Variants in KLF3 observed in about 807,000 individuals in gnomAD.
The protein encoded by KLF3 is Krueppel-like factor 3.
Under a neutral mutation model 32.7 loss-of-function variants are expected in KLF3, and 6 were observed. That is an observed-to-expected ratio of 0.18 (90% CI 0.10 to 0.36). The LOEUF (loss-of-function observed/expected upper bound fraction) is 0.36. KLF3 is among the 10% of genes least tolerant of loss of function. The pLI, the probability that KLF3 is intolerant of heterozygous loss-of-function variation, is 1.00. For synonymous variants in KLF3, 145 were observed against 172.8 expected (o/e 0.84, Z 1.26); for missense variants, 338 against 449.7 (o/e 0.75, Z 2.25).
intron 1 of KLF3, among the ~76,000 whole-genome samples, chr4:38,678,290 A>G (rs1185117246): frequency 6.6e-6 from 1 of 152,132 alleles, no homozygotes; most frequent in African/African-American, 2.4e-5. Context: ...ACTGGACAAC[A>G]ATTCTTAGAA....
chr4:38,680,664 C>G lies in KLF3; in HGVS notation c.39C>G (p.Ala13=). The G allele has an allele frequency of 6.2e-7, 1 of 1,613,448 alleles. No homozygotes were observed. Among genetic ancestry groups the G allele is most frequent in the Non-Finnish European group, 8.5e-7 (1 of 1,179,438 alleles). ...ACCCAGTTCCTGTCAAGCAAGAGGC[C>G]ATGGACCCTGTCTCAGTGGTAAGTT... The part of the protein sequence containing the change: ...MFDPVPVKQE[A]MDPVSVSYPS... Residue 13 remains alanine (A), a synonymous_variant, in exon 2 of 6, where the codon GCC becomes GCG. Coordinates refer to ENST00000261438, the MANE Select transcript of KLF3 (RefSeq NM_016531.6).
At chr4:38,667,391 C>G (rs1056826489) in intron 1 of KLF3, among the ~76,000 whole-genome samples, 2 of 152,220 alleles carry the variant, frequency 1.3e-5, no homozygotes, top group South Asian at 4.1e-4. Context: ...TGCCCCTAAA[C>G]TCCGTATCCC....
At chr4:38,683,818 C>T (rs538675782) in intron 2 of KLF3, among the ~76,000 whole-genome samples, 12 of 152,298 alleles carry the variant, frequency 7.9e-5, no homozygotes, top group African/African-American at 2.2e-4. Flanking sequence ...AGTCATCTAA[C>T]AGACTCCTTA....
At chr4:38,682,702 C>T (rs867040839) in intron 2 of KLF3, among the ~76,000 whole-genome samples, 3 of 149,720 alleles carry the variant, frequency 2.0e-5, no homozygotes, top group South Asian at 2.1e-4. Flanking sequence ...TGCACTTAAC[C>T]GAAAAAAAAA....
intron 1 of KLF3, among the ~76,000 whole-genome samples, chr4:38,668,902 T>G (rs1452880426): frequency 6.6e-6 from 1 of 152,242 alleles, no homozygotes; most frequent in Non-Finnish European, 1.5e-5. Context: ...TATCCTATCT[T>G]ATAGTTGCTA....
Position 38,689,090 on chromosome 4 carries a change from C to T in KLF3, c.544+19C>T. 6.2e-7 allele frequency: 1 copy of T among 1,610,792 alleles called. No homozygotes were observed. The highest frequency in any genetic ancestry group is 1.7e-4 in the Middle Eastern group (1 of 6,052). On this transcript the variant is annotated intron_variant, in intron 3 of 5. Transcript: ENST00000261438. The stretch of plus-strand genomic sequence containing the variant: ...ATGCAAGGTAAATTCCGCCACTGCT[C>T]CATGCTGCTGCACTTGCTTAGCGTA...
chr4:38,671,829 C>A lies in KLF3; in HGVS notation c.-40+7368C>A, dbSNP rs1214709634. Among the ~76,000 whole-genome samples the A allele has an allele frequency of 1.3e-5, 2 of 152,230 alleles. No individual in the cohort carries two copies. The highest frequency in any genetic ancestry group is 2.4e-5 in the African/African-American group (1 of 41,448). On this transcript the variant is annotated intron_variant, in intron 1 of 5. Coordinates refer to ENST00000261438, the MANE Select transcript of KLF3 (RefSeq NM_016531.6). The surrounding 1 kb of genome is among the most constrained non-coding windows in gnomAD (Gnocchi z 4.4). ...GTGATTGGCAGGAAACCTGTGACATCACTTAGCCCCTTGCCTTCCTTGATC... is the reference window on the plus strand; with the variant it reads ...GTGATTGGCAGGAAACCTGTGACATAACTTAGCCCCTTGCCTTCCTTGATC...
intron 2 of KLF3, among the ~76,000 whole-genome samples, chr4:38,681,465 A>G (rs981406257): frequency 1.3e-5 from 2 of 152,210 alleles, no homozygotes; most frequent in South Asian, 4.1e-4. Context: ...GGTAGGAATT[A>G]CGTTCATTGT....
intron 2 of KLF3, among the ~76,000 whole-genome samples, chr4:38,685,363 A>AGTT: frequency 6.6e-6 from 1 of 152,208 alleles, no homozygotes; most frequent in Middle Eastern, 3.4e-3. Flanking sequence ...CTCTCCCCAC[A>AGTT]GTTAGTCTTG....
chr4:38,693,162 A>T (rs546931431), intron 4 of KLF3, among the ~76,000 whole-genome samples: 102 of 146,594 alleles, frequency 7.0e-4, no homozygotes, highest in African/African-American at 2.3e-3. Context: ...ATACATATAT[A>T]TAATTGAAGT....
intron 1 of KLF3, 42 bp from the exon 2 acceptor site, chr4:38,680,545 G>T: frequency 9.8e-7 from 1 of 1,016,916 alleles, no homozygotes; most frequent in South Asian, 1.3e-5. Context: ...TGTATTTAAA[G>T]TAACCTTGAG....
intron 1 of KLF3, among the ~76,000 whole-genome samples, chr4:38,666,953 A>G (rs1379658253): frequency 6.6e-6 from 1 of 152,220 alleles, no homozygotes; most frequent in Non-Finnish European, 1.5e-5. Flanking sequence ...GGGACTAGCC[A>G]TTGGAATGGG....
chr4:38,687,721 T>C (rs972993831), intron 2 of KLF3, among the ~76,000 whole-genome samples: 7 of 152,234 alleles, frequency 4.6e-5, no homozygotes, highest in Non-Finnish European at 7.3e-5. Context: ...CTGTTTCTTA[T>C]AGTTCCGTGT....
intron 2 of KLF3, among the ~76,000 whole-genome samples, chr4:38,682,118 G>C (rs1247866364): frequency 6.6e-6 from 1 of 152,236 alleles, no homozygotes; most frequent in Admixed American, 6.5e-5. Flanking sequence ...GAGTGCAGTG[G>C]TGTGACCTCA....
chr4:38,664,527 C>G (rs931426733), intron 1 of KLF3, 66 bp downstream of exon 1: 3 of 151,172 alleles, frequency 2.0e-5, no homozygotes, highest in African/African-American at 4.9e-5. Context: ...CTCGGCCAGT[C>G]TGGTTTCATT....
chr4:38,680,864 A>G, intron 2 of KLF3, 182 bp downstream of exon 2: 2 of 459,810 alleles, frequency 4.3e-6, no homozygotes, highest in Non-Finnish European at 8.2e-6. Context: ...CAGCCTGACC[A>G]ACATGAAGAA....
At chr4:38,679,723 C>T (rs192308288) in intron 1 of KLF3, among the ~76,000 whole-genome samples, 3 of 152,236 alleles carry the variant, frequency 2.0e-5, no homozygotes, top group Non-Finnish European at 2.9e-5. Flanking sequence ...CAGAACCATA[C>T]TTACTGTAAA....
intron 5 of KLF3, 61 bp from the exon 6 acceptor site, chr4:38,697,021 T>A: frequency 1.4e-6 from 2 of 1,385,164 alleles, no homozygotes; most frequent in South Asian, 1.4e-5. Flanking sequence ...AAGCATTAAC[T>A]CAAAGATCTT....
intron 2 of KLF3, among the ~76,000 whole-genome samples, chr4:38,681,878 G>A (rs931335383): frequency 6.6e-6 from 1 of 152,120 alleles, no homozygotes; most frequent in Admixed American, 6.5e-5. Flanking sequence ...GGGTCACGCC[G>A]AGGCCCTTGG....
Sources: allele counts gnomAD v4.1 joint callset (sites outside exome capture counted in the v4.1 genomes callset), GRCh38; gene constraint gnomAD v4.1.1; non-coding constraint Gnocchi (gnomAD v3.1); transcripts MANE v1.5; gene names NCBI Gene and HGNC (gene_info 2026-07-23, HGNC 2026-07-21).